Variants in ANKRD31 observed in about 807,000 individuals in gnomAD.
ANKRD31 encodes ankyrin repeat domain-containing protein 31.
In ANKRD31, 147 loss-of-function variants were observed where a neutral mutation model predicts 186.0. The ratio of observed to expected loss-of-function variants is 0.79; its 90% confidence interval spans 0.69 to 0.91. The LOEUF (loss-of-function observed/expected upper bound fraction) is 0.91, where lower values mean the gene tolerates loss of function less well. Ranked by LOEUF, ANKRD31 falls within the 40% of genes least tolerant of loss-of-function variation. The pLI, the probability that ANKRD31 is intolerant of heterozygous loss-of-function variation, is 0.00. For synonymous variants in ANKRD31, 673 were observed against 736.4 expected (o/e 0.91, Z 1.39); for missense variants, 1,986 against 2,148.8 (o/e 0.92, Z 1.50).
chr5:75,192,902 G>T, intron 8 of ANKRD31, 126 bp from the exon 9 acceptor site: 2 of 742,842 alleles, frequency 2.7e-6, no homozygotes, highest in Non-Finnish European at 4.2e-6. Context: ...CTCAAGTGGC[G>T]TGGCAGTTTT....
intron 2 of ANKRD31, among the ~76,000 whole-genome samples, chr5:75,230,259 G>A (rs1385038096): frequency 6.6e-6 from 1 of 152,086 alleles, no homozygotes; most frequent in Non-Finnish European, 1.5e-5. Flanking sequence ...TGGAATAACT[G>A]GGTTAACAAT....
chr5:75,116,650 AT>A lies in ANKRD31; in HGVS notation c.4070del (p.His1357LeufsTer40). ...TGCCATCATCACAAAAACACTGTTTATGTCTTTTAGACCGGACAGCAGGAAT... is the reference window on the plus strand; with the variant it reads ...TGCCATCATCACAAAAACACTGTTTAGTCTTTTAGACCGGACAGCAGGAAT... ...EKIPAVRSKR[H>X]KQCFCDDGKT... On this transcript the variant is annotated frameshift_variant, in exon 19 of 26. Coordinates refer to ENST00000506364, the MANE Select transcript of ANKRD31 (RefSeq NM_001372053.1). LOFTEE classifies it high-confidence loss of function. 6.9e-7 allele frequency: 1 copy of A among 1,448,310 alleles called. No individual in the cohort carries two copies. The allele number at this position is 1,448,310 out of a possible 1,614,324, so 89.7% of individuals were successfully genotyped here. A position where few individuals can be genotyped will look rare whatever the true frequency, so the allele number is the denominator to read the frequency against.
At chr5:75,101,695 A>G (rs1488274443) in intron 22 of ANKRD31, among the ~76,000 whole-genome samples, 1 of 152,148 alleles carries the variant, frequency 6.6e-6, no homozygotes, top group Non-Finnish European at 1.5e-5. Context: ...AATCACTGAT[A>G]TCTTTTTTCC....
chr5:75,162,233 G>C (rs992632297), intron 11 of ANKRD31, among the ~76,000 whole-genome samples: 1 of 152,190 alleles, frequency 6.6e-6, no homozygotes, highest in Non-Finnish European at 1.5e-5. Flanking sequence ...AGCTGCCCAC[G>C]ACCATGGAAA....
At chr5:75,124,254 T>A (rs945294689) in intron 17 of ANKRD31, among the ~76,000 whole-genome samples, 1 of 152,136 alleles carries the variant, frequency 6.6e-6, no homozygotes, top group African/African-American at 2.4e-5. Flanking sequence ...GCCAATAGAA[T>A]GCCTATTATT....
chr5:75,095,834 C>G lies in ANKRD31; in HGVS notation c.5332-4433G>C, dbSNP rs572320310. On this transcript the variant is annotated intron_variant, in intron 22 of 25. Transcript: ENST00000506364. ...ATATATAGAAAAAAAACAGTATATA[C>G]AGGGTTCGGGACTATCTGTGGTTTC... Among the ~76,000 whole-genome samples the G allele has an allele frequency of 1.6e-4, 24 of 152,152 alleles. No individual in the cohort carries two copies. In the East Asian group the frequency reaches 3.9e-3, roughly 24 times the overall value.
intron 5 of ANKRD31, among the ~76,000 whole-genome samples, chr5:75,205,530 AC>A (rs1432003703): frequency 6.6e-6 from 1 of 152,134 alleles, no homozygotes; most frequent in African/African-American, 2.4e-5. Context: ...CACCCTTAGC[AC>A]CCACATACTT....
intron 3 of ANKRD31, among the ~76,000 whole-genome samples, chr5:75,211,813 C>T (rs1398162057): frequency 1.3e-5 from 2 of 151,808 alleles, no homozygotes; most frequent in Non-Finnish European, 2.9e-5. Context: ...TATTTGAGCC[C>T]TTTACTCATT....
chr5:75,167,890 C>A (rs1753035876), intron 11 of ANKRD31, among the ~76,000 whole-genome samples: 1 of 152,092 alleles, frequency 6.6e-6, no homozygotes, highest in African/African-American at 2.4e-5. Context: ...AGCAAATGGG[C>A]TATGGTGTTA....
intron 10 of ANKRD31, among the ~76,000 whole-genome samples, chr5:75,175,533 A>T (rs1230975972): frequency 6.6e-6 from 1 of 152,132 alleles, no homozygotes; most frequent in Non-Finnish European, 1.5e-5. Flanking sequence ...CTTGAGAGTG[A>T]GGAATGACTG....
chr5:75,125,635 A>G (rs1749187318), intron 17 of ANKRD31, among the ~76,000 whole-genome samples: 2 of 152,212 alleles, frequency 1.3e-5, no homozygotes, highest in Non-Finnish European at 2.9e-5. Flanking sequence ...CTAGGCCTCG[A>G]CTTTAATATA....
intron 6 of ANKRD31, 134 bp from the exon 7 acceptor site, chr5:75,196,334 C>A (rs1424766471): frequency 3.0e-6 from 2 of 677,590 alleles, no homozygotes; most frequent in Non-Finnish European, 4.4e-6. Flanking sequence ...CCTTCCCTTC[C>A]ATAAATAAAG....
chr5:75,109,187 T>C (rs1390328726), intron 20 of ANKRD31, among the ~76,000 whole-genome samples: 1 of 152,052 alleles, frequency 6.6e-6, no homozygotes, highest in Non-Finnish European at 1.5e-5. Context: ...TTATCTTAAA[T>C]ACAGAAAAAA....
At chr5:75,198,245 T>G (rs997498821) in intron 6 of ANKRD31, among the ~76,000 whole-genome samples, 11 of 152,192 alleles carry the variant, frequency 7.2e-5, no homozygotes, top group African/African-American at 2.7e-4. Context: ...GACACAAATT[T>G]GAGCTGCCTC....
intron 9 of ANKRD31, among the ~76,000 whole-genome samples, chr5:75,191,792 T>C (rs1755134628): frequency 1.3e-5 from 2 of 152,080 alleles, no homozygotes; most frequent in Non-Finnish European, 2.9e-5. Flanking sequence ...AGTATTTTCT[T>C]TTTGGAACAA....
At chr5:75,100,309 C>A (rs918392979) in intron 22 of ANKRD31, among the ~76,000 whole-genome samples, 1 of 152,166 alleles carries the variant, frequency 6.6e-6, no homozygotes, top group Admixed American at 6.5e-5. Flanking sequence ...AAATTCCATT[C>A]TTTTACATTT....
At chr5:75,230,716 T>A (rs1033935568) in intron 1 of ANKRD31, 81 bp from the exon 2 acceptor site, 13 of 1,043,292 alleles carry the variant, frequency 1.2e-5, no homozygotes, top group African/African-American at 1.6e-5. Flanking sequence ...ATTTTTATTA[T>A]ACCAAAACTT....
At chr5:75,085,255 C>A (rs1025362616) in intron 23 of ANKRD31, among the ~76,000 whole-genome samples, 1 of 152,138 alleles carries the variant, frequency 6.6e-6, no homozygotes, top group African/African-American at 2.4e-5. Context: ...TTCTATTAAA[C>A]CATAAGCTCC....
rs758443451 is a variant in ANKRD31 at position 75,147,286 on chromosome 5, G to A, written c.2125C>T (p.Leu709Phe). 2.1e-5 allele frequency: 32 copies of A among 1,535,526 alleles called. No individual in the cohort carries two copies. In the African/African-American group the frequency reaches 3.3e-4, roughly 16 times the overall value. The part of the protein sequence containing the change: ...STLDQIYSTG[L>F]RKGNLHNVKD... Reference sequence around the variant, plus strand: ...ACGTTATGGAGATTGCCCTTTCTGAGTCCTGTAGAGTATATCTGGTCAAGA... The same window carrying A: ...ACGTTATGGAGATTGCCCTTTCTGAATCCTGTAGAGTATATCTGGTCAAGA... The change falls in exon 14 of 26, where the codon CTC (leucine) becomes TTC (phenylalanine). Residue 709 changes from leucine (L) to phenylalanine (F), a missense_variant. Coordinates refer to ENST00000506364, the MANE Select transcript of ANKRD31 (RefSeq NM_001372053.1).
Sources: allele counts gnomAD v4.1 joint callset (sites outside exome capture counted in the v4.1 genomes callset), GRCh38; gene constraint gnomAD v4.1.1; transcripts MANE v1.5; gene names NCBI Gene and HGNC (gene_info 2026-07-23, HGNC 2026-07-21).